The following NLGN4Y variants were observed in gnomAD, a reference collection of about 807,000 sequenced individuals.
The protein encoded by NLGN4Y is neuroligin-4, Y-linked.
A neutral mutation model predicts 8.4 loss-of-function variants in NLGN4Y; 4 were observed. The observed-to-expected ratio is 0.48, with a 90% CI of 0.23 to 1.09. The LOEUF is 1.09. Among genes scored for constraint, NLGN4Y ranks in the 50% least tolerant of loss-of-function variants. The pLI is 0.19. For missense variants in NLGN4Y, 90 were observed against 192.3 expected, an observed-to-expected ratio of 0.47 and a Z score of 3.15; for synonymous variants, 35 against 75.6, an observed-to-expected ratio of 0.46 and a Z score of 2.78.
intron 2 of NLGN4Y, among the ~76,000 whole-genome samples, chrY:14,659,423 T>C: frequency 9.1e-5 from 3 of 33,057 alleles, no homozygotes; most frequent in Non-Finnish European, 1.5e-4. Context: ...CCAAGGTACA[T>C]AGAAGCTGTT....
At chrY:14,752,639 G>A in intron 4 of NLGN4Y, among the ~76,000 whole-genome samples, 1 of 33,494 alleles carries the variant, frequency 3.0e-5, no homozygotes, top group South Asian at 6.5e-4. Flanking sequence ...GTTTTCAAAA[G>A]TATGGTAATG....
At chrY:14,525,096 A>G (rs2080088215) in intron 1 of NLGN4Y, among the ~76,000 whole-genome samples, 1 of 33,264 alleles carries the variant, frequency 3.0e-5, no homozygotes, top group African/African-American at 1.2e-4. Flanking sequence ...GAGGAGCGGG[A>G]GCGGGAGCGG....
At chrY:14,733,527 AT>A (rs776557550) in intron 4 of NLGN4Y, 2 of 313,358 alleles carry the variant, frequency 6.4e-6, no homozygotes, top group Admixed American at 9.9e-5. Flanking sequence ...AATTTAATAA[AT>A]TTTTTTTGAG....
At chrY:14,628,397 T>C in intron 2 of NLGN4Y, among the ~76,000 whole-genome samples, 1 of 33,939 alleles carries the variant, frequency 2.9e-5, no homozygotes, top group African/African-American at 1.2e-4. Context: ...GCTTGGAGCT[T>C]TATGATGAAA....
intron 4 of NLGN4Y, among the ~76,000 whole-genome samples, chrY:14,774,314 C>CA (rs2081117691): frequency 3.0e-5 from 1 of 32,919 alleles, no homozygotes; most frequent in African/African-American, 1.2e-4. Flanking sequence ...TGTACACACA[C>CA]AAAAAATCAA....
chrY:14,725,682 C>T (rs2080953010), intron 4 of NLGN4Y, among the ~76,000 whole-genome samples: 2 of 33,742 alleles, frequency 5.9e-5, no homozygotes, highest in Non-Finnish European at 1.5e-4. Context: ...CCCATTTTAA[C>T]GTGACTCGTG....
chrY:14,701,791 G>T, intron 2 of NLGN4Y, among the ~76,000 whole-genome samples: 2 of 32,473 alleles, frequency 6.2e-5, no homozygotes, highest in Non-Finnish European at 1.5e-4. Flanking sequence ...TTAAAATCAG[G>T]CAATGCACAA....
intron 1 of NLGN4Y, among the ~76,000 whole-genome samples, chrY:14,574,854 A>G (rs2080290978): frequency 3.0e-5 from 1 of 32,914 alleles, no homozygotes; most frequent in Non-Finnish European, 7.4e-5. Flanking sequence ...TGTGAAGCTT[A>G]GTTTGGCTGG....
chrY:14,539,632 C>T, intron 1 of NLGN4Y, among the ~76,000 whole-genome samples: 2 of 28,859 alleles, frequency 6.9e-5, no homozygotes, highest in Non-Finnish European at 1.6e-4. Context: ...GTGCATTCCT[C>T]ATTCTAGGGG....
At position 14,782,740 on chromosome Y, in the gene NLGN4Y, C is replaced by T. The variant is rs372174043; in HGVS notation, c.686-41448C>T. 4.4e-3 allele frequency among the ~76,000 whole-genome samples: 150 copies of T among 34,160 alleles called. No homozygotes were observed. In the East Asian group the frequency reaches 0.098, roughly 22 times the overall value. The allele number at this position is 34,160 out of a possible 37,273, so 91.6% of individuals were successfully genotyped here. On this transcript the variant is annotated intron_variant, in intron 4 of 6. Transcript: ENST00000684976. Reference sequence around the variant, plus strand: ...ATGTTTGTTACACAGCAATAGCTAACCATTGTTACACAGCAATAGCTAACC... The same window carrying T: ...ATGTTTGTTACACAGCAATAGCTAATCATTGTTACACAGCAATAGCTAACC...
chrY:14,698,744 A>C, intron 2 of NLGN4Y, among the ~76,000 whole-genome samples: 1 of 32,879 alleles, frequency 3.0e-5, no homozygotes, highest in Non-Finnish European at 7.5e-5. Flanking sequence ...GTTGGCAATC[A>C]TGTTCACATC....
At chrY:14,698,897 A>G in intron 2 of NLGN4Y, among the ~76,000 whole-genome samples, 2 of 33,163 alleles carry the variant, frequency 6.0e-5, no homozygotes, top group South Asian at 1.3e-3. Flanking sequence ...ATTTATTTGT[A>G]TAGAAACTTC....
intron 4 of NLGN4Y, among the ~76,000 whole-genome samples, chrY:14,777,689 G>A (rs2081132004): frequency 3.4e-5 from 1 of 29,619 alleles, no homozygotes. Context: ...GAGAGACAGA[G>A]AGAGAAATTG....
intron 2 of NLGN4Y, among the ~76,000 whole-genome samples, chrY:14,625,786 A>G (rs2080525296): frequency 2.9e-5 from 1 of 34,078 alleles, no homozygotes; most frequent in Non-Finnish European, 7.3e-5. Context: ...GAACACAGAA[A>G]GACAAGCTAT....
chrY:14,689,147 T>C, intron 2 of NLGN4Y, among the ~76,000 whole-genome samples: 1 of 31,473 alleles, frequency 3.2e-5, no homozygotes, highest in South Asian at 7.0e-4. Flanking sequence ...ACTGTGGCTG[T>C]TTCTGTGTCT....
At chrY:14,648,610 T>A (rs1005346484) in intron 2 of NLGN4Y, among the ~76,000 whole-genome samples, 6 of 32,094 alleles carry the variant, frequency 1.9e-4, no homozygotes, top group African/African-American at 7.3e-4. Context: ...GGATTTCCAA[T>A]ATGGTAAAAT....
chrY:14,699,740 A>T, intron 2 of NLGN4Y, among the ~76,000 whole-genome samples: 1 of 32,273 alleles, frequency 3.1e-5, no homozygotes, highest in Non-Finnish European at 7.5e-5. Context: ...TAAGCTAGGA[A>T]TCACTCTTTT....
At chrY:14,802,282 C>T in intron 4 of NLGN4Y, among the ~76,000 whole-genome samples, 1 of 32,936 alleles carries the variant, frequency 3.0e-5, no homozygotes, top group African/African-American at 1.2e-4. Context: ...CTCTGGCTCT[C>T]GTTCACTCTT....
chrY:14,533,816 T>A, intron 1 of NLGN4Y, among the ~76,000 whole-genome samples: 1 of 33,192 alleles, frequency 3.0e-5, no homozygotes. Flanking sequence ...TTCCCATTGT[T>A]CAGATTGGAC....
Sources: allele counts gnomAD v4.1 joint callset (sites outside exome capture counted in the v4.1 genomes callset), GRCh38; gene constraint gnomAD v4.1.1; transcripts MANE v1.5; gene names NCBI Gene and HGNC (gene_info 2026-07-23, HGNC 2026-07-21).